The following CYP19A1 variants were observed in gnomAD, a reference collection of about 807,000 sequenced individuals.
The protein encoded by CYP19A1 is aromatase.
CYP19A1 carries 32 observed loss-of-function variants against 44.4 expected under a neutral mutation model. The ratio of observed to expected loss-of-function variants is 0.72; its 90% CI spans 0.54 to 0.97. CYP19A1 has a LOEUF of 0.97. Ranked by LOEUF, CYP19A1 falls within the 50% of genes least tolerant of loss-of-function variation. The probability of loss-of-function intolerance (pLI) is 0.00; values close to 1 mark genes in which losing one functional copy is unlikely to be tolerated. For synonymous variants in CYP19A1, 212 were observed against 215.6 expected (o/e 0.98, Z 0.14); for missense variants, 598 against 637.8 (o/e 0.94, Z 0.67).
intron 1 of CYP19A1, among the ~76,000 whole-genome samples, chr15:51,247,440 CCT>C (rs1491435385): frequency 2.0e-5 from 3 of 150,610 alleles, no homozygotes; most frequent in African/African-American, 7.4e-5. Context: ...ACCTTCTCCC[CCT>C]GTCCTTACTT....
intron 6 of CYP19A1, among the ~76,000 whole-genome samples, chr15:51,216,590 G>A (rs1358857874): frequency 6.6e-6 from 1 of 152,174 alleles, no homozygotes; most frequent in East Asian, 1.9e-4. Context: ...CCTGAAGACA[G>A]TTGAGTTTGA....
At chr15:51,336,657 G>C (rs901993745) in intron 1 of CYP19A1, among the ~76,000 whole-genome samples, 1 of 152,158 alleles carries the variant, frequency 6.6e-6, no homozygotes, top group South Asian at 2.1e-4. Context: ...TAAAGTTGGG[G>C]TATATTCTTG....
At chr15:51,303,088 G>T (rs2036148372) in intron 1 of CYP19A1, among the ~76,000 whole-genome samples, 1 of 152,208 alleles carries the variant, frequency 6.6e-6, no homozygotes, top group Admixed American at 6.5e-5. Flanking sequence ...AACTGTCACT[G>T]GGGGACAGAA....
At chr15:51,304,617 T>C (rs916441520) in intron 1 of CYP19A1, among the ~76,000 whole-genome samples, 1 of 152,210 alleles carries the variant, frequency 6.6e-6, no homozygotes, top group African/African-American at 2.4e-5. Context: ...ACTTTGTTTG[T>C]TTCAATGAAA....
At chr15:51,332,642 T>G (rs982812201) in intron 1 of CYP19A1, among the ~76,000 whole-genome samples, 1 of 152,238 alleles carries the variant, frequency 6.6e-6, no homozygotes, top group Non-Finnish European at 1.5e-5. Flanking sequence ...TAACACCCTT[T>G]TATCTGGTGG....
rs1321123278 is a variant in CYP19A1 at position 51,305,786 on chromosome 15, C to A, written c.-39+32709G>T. Among the ~76,000 whole-genome samples, 3 of 152,126 alleles carry A rather than the reference C, an allele frequency of 2.0e-5. No homozygotes were observed. The East Asian group carries it at 5.8e-4, about 29-fold the overall frequency. ...ATGTTGGCCAGGCTGGTCTCGAACT[C>A]CTGACCTCAGGTGATCCGCCCTCCT... On this transcript the variant is annotated intron_variant, in intron 1 of 9. Coordinates refer to ENST00000396402, the MANE Select transcript of CYP19A1 (RefSeq NM_000103.4).
At chr15:51,318,177 T>A (rs187268838) in intron 1 of CYP19A1, among the ~76,000 whole-genome samples, 1 of 152,066 alleles carries the variant, frequency 6.6e-6, no homozygotes, top group East Asian at 1.9e-4. Flanking sequence ...CGGTGCTTTA[T>A]GTACATGATC....
chr15:51,294,914 A>G (rs1261493099), intron 1 of CYP19A1, among the ~76,000 whole-genome samples: 2 of 151,538 alleles, frequency 1.3e-5, no homozygotes, highest in Non-Finnish European at 2.9e-5. Context: ...GAGAAATAGG[A>G]TGGTTGCTGT....
chr15:51,327,061 TC>T (rs1342014514), intron 1 of CYP19A1, among the ~76,000 whole-genome samples: 1 of 152,186 alleles, frequency 6.6e-6, no homozygotes. Context: ...CCACTAATCA[TC>T]CAAAAGCAGC....
intron 4 of CYP19A1, among the ~76,000 whole-genome samples, chr15:51,223,208 A>T (rs2032262786): frequency 6.6e-6 from 1 of 152,260 alleles, no homozygotes; most frequent in East Asian, 1.9e-4. Context: ...TTAGCATTGC[A>T]CTTCAAGCTG....
chr15:51,230,884 A>G (rs2032975829), intron 3 of CYP19A1, among the ~76,000 whole-genome samples: 1 of 152,100 alleles, frequency 6.6e-6, no homozygotes. Flanking sequence ...CACCTCCCAA[A>G]GTGCTGGCAT....
At chr15:51,317,249 C>A (rs1405253952) in intron 1 of CYP19A1, among the ~76,000 whole-genome samples, 1 of 152,006 alleles carries the variant, frequency 6.6e-6, no homozygotes, top group Admixed American at 6.6e-5. Flanking sequence ...CTACAGGCCT[C>A]CACCACCATG....
In CYP19A1 at chr15:51,238,708, G is replaced by A. The variant is rs139547133; in HGVS notation, c.146-1699C>T. Reference sequence around the variant, plus strand: ...CTGCCATTCAAATGTAAGCTGTGACGCAGGAGAGATATATCTACTGAAAAA... The same window carrying A: ...CTGCCATTCAAATGTAAGCTGTGACACAGGAGAGATATATCTACTGAAAAA... On this transcript the variant is annotated intron_variant, in intron 2 of 9. Transcript: ENST00000396402. 6.2e-4 allele frequency among the ~76,000 whole-genome samples: 95 copies of A among 152,282 alleles called. No homozygotes were observed. The East Asian group carries it at 0.015, about 24-fold the overall frequency.
chr15:51,310,588 A>C (rs1397417763), intron 1 of CYP19A1, among the ~76,000 whole-genome samples: 1 of 152,248 alleles, frequency 6.6e-6, no homozygotes, highest in Non-Finnish European at 1.5e-5. Context: ...TCTCAAGAGA[A>C]AACCTGTCCC....
At chr15:51,331,380 G>A (rs1237846370) in intron 1 of CYP19A1, among the ~76,000 whole-genome samples, 1 of 152,164 alleles carries the variant, frequency 6.6e-6, no homozygotes, top group African/African-American at 2.4e-5. Context: ...AGGTGAAGAA[G>A]ATGAGTCAGC....
chr15:51,305,606 G>A (rs1009757806), intron 1 of CYP19A1, among the ~76,000 whole-genome samples: 13 of 152,266 alleles, frequency 8.5e-5, no homozygotes, highest in African/African-American at 3.1e-4. Flanking sequence ...TGTCGCCCAG[G>A]ATGGAGTGCA....
At chr15:51,249,765 A>T (rs1236863833) in intron 1 of CYP19A1, among the ~76,000 whole-genome samples, 3 of 152,190 alleles carry the variant, frequency 2.0e-5, no homozygotes, top group South Asian at 4.1e-4. Flanking sequence ...CTAATAATAC[A>T]GTTCTCTTCC....
At chr15:51,248,226 A>T (rs1449746611) in intron 1 of CYP19A1, among the ~76,000 whole-genome samples, 1 of 152,218 alleles carries the variant, frequency 6.6e-6, no homozygotes, top group Non-Finnish European at 1.5e-5. Flanking sequence ...CTCCTCTCAA[A>T]GGACCAGGCA....
chr15:51,284,390 A>G (rs1018303893), intron 1 of CYP19A1, among the ~76,000 whole-genome samples: 11 of 152,220 alleles, frequency 7.2e-5, no homozygotes, highest in Non-Finnish European at 1.6e-4. Context: ...TCATTGGCGT[A>G]GGAACCGCCT....
Sources: allele counts gnomAD v4.1 joint callset (sites outside exome capture counted in the v4.1 genomes callset), GRCh38; gene constraint gnomAD v4.1.1; transcripts MANE v1.5; gene names NCBI Gene and HGNC (gene_info 2026-07-23, HGNC 2026-07-21).